PTPRN2: variants seen among roughly 807,000 people sequenced by gnomAD.
PTPRN2 encodes the protein receptor-type tyrosine-protein phosphatase N2.
In PTPRN2, 74 loss-of-function variants were observed where a neutral mutation model predicts 118.8. That is an observed-to-expected ratio of 0.62 (90% CI 0.52 to 0.76). The LOEUF is 0.76. PTPRN2 is among the 30% of genes least tolerant of loss of function. The probability of loss-of-function intolerance (pLI) is 0.00; values close to 1 mark genes in which losing one functional copy is unlikely to be tolerated. For missense variants in PTPRN2, 1,481 were observed against 1,394.4 expected, an observed-to-expected ratio of 1.06 and a Z score of -0.99; for synonymous variants, 641 against 608.0, an observed-to-expected ratio of 1.05 and a Z score of -0.80.
chr7:158,340,272 A>G (rs1183324977), intron 2 of PTPRN2, among the ~76,000 whole-genome samples: 2 of 94,768 alleles, frequency 2.1e-5, no homozygotes, highest in Admixed American at 2.1e-4. Flanking sequence ...ACACCTACAG[A>G]CATCACTCAC....
intron 3 of PTPRN2, among the ~76,000 whole-genome samples, chr7:158,252,520 C>A (rs991751987): frequency 1.3e-5 from 2 of 152,154 alleles, no homozygotes; most frequent in Non-Finnish European, 2.9e-5. Context: ...CACTACCCCC[C>A]AGCCCCAGCC....
At chr7:157,790,744 CCTAAG>C in intron 12 of PTPRN2, among the ~76,000 whole-genome samples, 1 of 151,948 alleles carries the variant, frequency 6.6e-6, no homozygotes, top group African/African-American at 2.4e-5. Context: ...TGTCACAAAA[CCTAAG>C]CTATTTTTTT....
intron 10 of PTPRN2, among the ~76,000 whole-genome samples, chr7:158,100,244 G>GGTGTGTGT (rs3065708): frequency 1.1e-4 from 16 of 147,316 alleles, no homozygotes; most frequent in African/African-American, 3.0e-4. Flanking sequence ...TATTCCATGG[G>GGTGTGTGT]GTGTGTGTGT....
chr7:157,592,144 C>G (rs965987425), intron 17 of PTPRN2, among the ~76,000 whole-genome samples: 16 of 152,328 alleles, frequency 1.1e-4, no homozygotes, highest in Admixed American at 9.8e-4. Flanking sequence ...TTATTTCATA[C>G]AGAGATGCAT....
intron 17 of PTPRN2, among the ~76,000 whole-genome samples, 197 bp downstream of exon 17, chr7:157,595,041 A>T (rs1469174729): frequency 1.3e-5 from 2 of 152,226 alleles, no homozygotes; most frequent in Non-Finnish European, 2.9e-5. Flanking sequence ...CTCAAAGGGA[A>T]TTTTTTCATA....
chr7:158,299,180 C>T (rs1201316800), intron 3 of PTPRN2, among the ~76,000 whole-genome samples: 3 of 152,186 alleles, frequency 2.0e-5, no homozygotes, highest in Admixed American at 1.3e-4. Context: ...CTGGCATATT[C>T]CCGAGACAAA....
chr7:158,071,681 CCTGGTGG>C (rs1563392817), intron 11 of PTPRN2, among the ~76,000 whole-genome samples: 22 of 82,250 alleles, frequency 2.7e-4, no homozygotes, highest in Admixed American at 1.5e-3. Context: ...TGGAGGTGCT[CCTGGTGG>C]AGGTGCTTGT....
At chr7:157,696,612 C>G (rs1191504991) in intron 12 of PTPRN2, among the ~76,000 whole-genome samples, 1 of 145,636 alleles carries the variant, frequency 6.9e-6, no homozygotes, top group African/African-American at 2.5e-5. Context: ...TAGTAGAGCC[C>G]TCACCATCTA....
intron 12 of PTPRN2, among the ~76,000 whole-genome samples, chr7:157,800,464 G>A (rs561424498): frequency 5.0e-4 from 76 of 152,236 alleles, no homozygotes; most frequent in Admixed American, 4.3e-3. Context: ...GCGACTCAAC[G>A]ACCCTCTGCT....
chr7:158,136,131 G>A (rs918618652), intron 8 of PTPRN2, among the ~76,000 whole-genome samples: 1 of 152,216 alleles, frequency 6.6e-6, no homozygotes, highest in East Asian at 1.9e-4. Flanking sequence ...CAGCGCCTTG[G>A]CCCTGAGCCA....
Position 158,548,987 on chromosome 7 carries a change from C to G in PTPRN2, c.112+38571G>C, listed in dbSNP as rs143585358. Among the ~76,000 whole-genome samples, 416 of 152,336 alleles carry G rather than the reference C, an allele frequency of 2.7e-3. 3 individuals carry two copies. Among genetic ancestry groups the G allele is most frequent in the African/African-American group, 9.4e-3 (392 of 41,578 alleles). On this transcript the variant is annotated intron_variant, in intron 1 of 22. Coordinates refer to ENST00000389418, the MANE Select transcript of PTPRN2 (RefSeq NM_002847.5). ...AGCCCAGGCACGGCCAACGCCCGGC[C>G]CCCGCTTGAGTTGGCCTTGAGCTCC...
chr7:158,367,669 T>C (rs1402146883), intron 2 of PTPRN2, among the ~76,000 whole-genome samples: 1 of 152,194 alleles, frequency 6.6e-6, no homozygotes, highest in Non-Finnish European at 1.5e-5. Flanking sequence ...AAGTCTGGGA[T>C]AAGCTCTATT....
intron 2 of PTPRN2, among the ~76,000 whole-genome samples, chr7:158,367,837 T>G (rs951570932): frequency 3.9e-5 from 6 of 152,174 alleles, no homozygotes; most frequent in Non-Finnish European, 1.5e-5. Flanking sequence ...GAGTTCATTT[T>G]CAAAAGATTC....
chr7:158,286,641 G>A (rs1799790507), intron 3 of PTPRN2, among the ~76,000 whole-genome samples: 1 of 152,070 alleles, frequency 6.6e-6, no homozygotes, highest in East Asian at 1.9e-4. Flanking sequence ...CCCTCAATGT[G>A]GCATATCACA....
chr7:157,835,141 C>T (rs760599972), intron 12 of PTPRN2, among the ~76,000 whole-genome samples: 48 of 152,188 alleles, frequency 3.2e-4, no homozygotes, highest in Non-Finnish European at 5.1e-4. Context: ...CAGGCCACAG[C>T]GTCCTGAGCC....
intron 13 of PTPRN2, among the ~76,000 whole-genome samples, chr7:157,665,713 A>G (rs1405178838): frequency 6.6e-6 from 1 of 152,268 alleles, no homozygotes; most frequent in Non-Finnish European, 1.5e-5. Flanking sequence ...TATTCACAAT[A>G]GTAAAGACTT....
At chr7:157,853,539 C>T (rs1240731806) in intron 12 of PTPRN2, among the ~76,000 whole-genome samples, 1 of 152,142 alleles carries the variant, frequency 6.6e-6, no homozygotes, top group Non-Finnish European at 1.5e-5. Context: ...GCACAAGCCC[C>T]GTGACCCTTT....
chr7:157,672,456 A>G (rs1796463938), intron 13 of PTPRN2, among the ~76,000 whole-genome samples: 1 of 80,760 alleles, frequency 1.2e-5, no homozygotes, highest in East Asian at 4.5e-4. Context: ...TTGTTTTGCA[A>G]AAAAAATCTG....
In PTPRN2 at chr7:158,447,947, A is replaced by G. The variant is rs1186501715; in HGVS notation, c.163+41788T>C. On this transcript the variant is annotated intron_variant, in intron 2 of 22. Transcript: ENST00000389418. ...AGCCACACGGCACAGGGCAAATGCC[A>G]GCAGGACACAGGCCCTCAGCCCGGC... Among the ~76,000 whole-genome samples, 3 of 152,238 alleles carry G rather than the reference A, an allele frequency of 2.0e-5. No homozygotes were observed. In the East Asian group the frequency reaches 5.8e-4, roughly 29 times the overall value.
Sources: allele counts gnomAD v4.1 joint callset (sites outside exome capture counted in the v4.1 genomes callset), GRCh38; gene constraint gnomAD v4.1.1; transcripts MANE v1.5; gene names NCBI Gene and HGNC (gene_info 2026-07-23, HGNC 2026-07-21).